MYBL1: variants seen among roughly 807,000 people sequenced by gnomAD.
The protein encoded by MYBL1 is myb-related protein A.
A neutral mutation model predicts 96.3 loss-of-function variants in MYBL1; 17 were observed. That is an observed-to-expected ratio of 0.18 (90% confidence interval 0.12 to 0.26). The LOEUF (loss-of-function observed/expected upper bound fraction) is 0.26. Ranked by LOEUF, MYBL1 falls within the 10% of genes least tolerant of loss-of-function variation. The pLI, the probability that MYBL1 is intolerant of heterozygous loss-of-function variation, is 1.00. For synonymous variants in MYBL1, 282 were observed against 292.7 expected, an observed-to-expected ratio of 0.96 and a Z score of 0.37; for missense variants, 701 against 882.9, an observed-to-expected ratio of 0.79 and a Z score of 2.61.
chr8:66,593,257 C>CA, intron 6 of MYBL1, 63 bp from the exon 7 acceptor site: 1 of 1,105,104 alleles, frequency 9.0e-7, no homozygotes, highest in South Asian at 1.6e-5. Flanking sequence ...AAATCTGAAG[C>CA]AAATGACAAA....
At chr8:66,571,608 G>A (rs879771418) in intron 12 of MYBL1, among the ~76,000 whole-genome samples, 4 of 152,124 alleles carry the variant, frequency 2.6e-5, no homozygotes, top group African/African-American at 4.8e-5. Flanking sequence ...CCGACAGGGC[G>A]CAGTGGCTCA....
chr8:66,611,253 C>T (rs1810516115), intron 1 of MYBL1, among the ~76,000 whole-genome samples: 1 of 152,164 alleles, frequency 6.6e-6, no homozygotes, highest in Non-Finnish European at 1.5e-5. Context: ...GATAATATCA[C>T]ACATTAATAA....
chr8:66,593,758 A>G lies in MYBL1; in HGVS notation c.688-564T>C, dbSNP rs1002357764. ...AGTATCATTCTGCTTCTTTTCTAAAACATCTGTAATAAGAATTTTCAAGAT... is the reference window on the plus strand; with the variant it reads ...AGTATCATTCTGCTTCTTTTCTAAAGCATCTGTAATAAGAATTTTCAAGAT... On this transcript the variant is annotated intron_variant, in intron 6 of 15. Coordinates refer to ENST00000522677, the MANE Select transcript of MYBL1 (RefSeq NM_001080416.4). 3.3e-5 allele frequency among the ~76,000 whole-genome samples: 5 copies of G among 152,204 alleles called. No individual in the cohort carries two copies. The East Asian group carries it at 9.6e-4, about 29-fold the overall frequency.
Position 66,592,564 on chromosome 8 carries a change from A to C in MYBL1, c.763-20T>G. ...GGGTTGCTAAAATAAGTTAAATAAA[A>C]GAGAAAACAGGATGCTTATATAATT... On this transcript the variant is annotated intron_variant, in intron 7 of 15. Coordinates refer to ENST00000522677, the MANE Select transcript of MYBL1 (RefSeq NM_001080416.4). 6 of 1,400,202 alleles carry C rather than the reference A, an allele frequency of 4.3e-6. No individual in the cohort carries two copies. Among genetic ancestry groups the C allele is most frequent in the Non-Finnish European group, 5.9e-6 (6 of 1,016,240 alleles). The allele number at this position is 1,400,202 out of a possible 1,614,324, so 86.7% of individuals were successfully genotyped here.
At chr8:66,597,683 A>G in intron 4 of MYBL1, 133 bp from the exon 5 acceptor site, 1 of 616,760 alleles carries the variant, frequency 1.6e-6, no homozygotes, top group Non-Finnish European at 2.7e-6. Context: ...AAAATTACCA[A>G]TAAATACCCC....
intron 1 of MYBL1, among the ~76,000 whole-genome samples, chr8:66,604,636 T>A (rs1008394253): frequency 6.6e-6 from 1 of 152,162 alleles, no homozygotes; most frequent in African/African-American, 2.4e-5. Flanking sequence ...CTACTTTTCA[T>A]ATCCTTGAGT....
rs879302233 is a variant in MYBL1, at chr8:66,575,058, G to GA, written c.1470+948dup. On this transcript the variant is annotated intron_variant, in intron 10 of 15. Transcript: ENST00000522677. ...AACAAGAGCAAAACTCCATCTCAAA[G>GA]AAAAAAAAAAAAGCGTTTGGCAAAC... Among the ~76,000 whole-genome samples, 839 of 134,370 alleles carry GA rather than the reference G, an allele frequency of 6.2e-3. 10 individuals are homozygous for GA. Among genetic ancestry groups the GA allele is most frequent in the Non-Finnish European group, 5.6e-3 (347 of 61,438 alleles). 88.2% of individuals were successfully genotyped at this position (134,370 alleles called of 152,430 possible).
intron 6 of MYBL1, among the ~76,000 whole-genome samples, chr8:66,593,479 A>G (rs1809732580): frequency 6.6e-6 from 1 of 152,216 alleles, no homozygotes; most frequent in Non-Finnish European, 1.5e-5. Context: ...ATTAAATCTG[A>G]CATTCACCAA....
intron 8 of MYBL1, among the ~76,000 whole-genome samples, chr8:66,587,808 T>A (rs766711019): frequency 2.0e-5 from 3 of 152,190 alleles, no homozygotes; most frequent in Non-Finnish European, 2.9e-5. Context: ...ATGAACTGAA[T>A]TTTAAGTTTT....
chr8:66,572,503 T>C lies in MYBL1; in HGVS notation c.1707A>G (p.Lys569=). 6.3e-7 allele frequency: 1 copy of C among 1,589,442 alleles called. No individual in the cohort carries two copies. The highest frequency in any genetic ancestry group is 1.1e-5 in the South Asian group (1 of 88,060). Residue 569 remains lysine, a synonymous_variant, in exon 12 of 16, where the codon AAA becomes AAG. Coordinates refer to ENST00000522677, the MANE Select transcript of MYBL1 (RefSeq NM_001080416.4). The stretch of plus-strand genomic sequence containing the variant: ...ATACCACAATTTTAAGAGGTCCATA[T>C]TTTTTCTCCTGAGCAGCAAGCGCAT... ...FKNALAAQEK[K]YGPLKIVSQP... is the part of the protein sequence containing the mutation.
chr8:66,582,779 G>C (rs1269741418), intron 8 of MYBL1, among the ~76,000 whole-genome samples: 1 of 150,570 alleles, frequency 6.6e-6, no homozygotes, highest in Non-Finnish European at 1.5e-5. Flanking sequence ...ATGATAAAGG[G>C]ATCAATTCAG....
At position 66,563,066 on chromosome 8, in the gene MYBL1, A is replaced by G. The variant is rs73261704; in HGVS notation, c.*1631T>C. 0.1 allele frequency: 15,953 copies of G among 152,422 alleles called. 1,872 individuals carry two copies. The highest frequency in any genetic ancestry group is 0.28 in the African/African-American group (11,640 of 41,420). The allele number at this position is 152,422 out of a possible 1,614,324, so 9.4% of individuals were successfully genotyped here. Reference sequence around the variant, plus strand: ...CATACAAACAGAGCAGAAAATCTTAACCTGCTTTCATTTTGTTTTATAAGG... The same window carrying G: ...CATACAAACAGAGCAGAAAATCTTAGCCTGCTTTCATTTTGTTTTATAAGG... On this transcript the variant is annotated 3_prime_UTR_variant, in exon 16 of 16. Coordinates refer to ENST00000522677, the MANE Select transcript of MYBL1 (RefSeq NM_001080416.4).
chr8:66,567,056 T>C (rs1390797223), intron 12 of MYBL1, 64 bp from the exon 13 acceptor site: 3 of 1,042,752 alleles, frequency 2.9e-6, no homozygotes, highest in South Asian at 2.8e-5. Flanking sequence ...TCCCTATATA[T>C]AGGAAACCCA....
At chr8:66,607,577 T>G (rs1045395233) in intron 1 of MYBL1, among the ~76,000 whole-genome samples, 1 of 151,862 alleles carries the variant, frequency 6.6e-6, no homozygotes, top group Non-Finnish European at 1.5e-5. Flanking sequence ...AACCAAAACT[T>G]CCACCTTCTT....
intron 1 of MYBL1, among the ~76,000 whole-genome samples, chr8:66,604,204 A>T (rs1403027093): frequency 6.6e-6 from 1 of 152,206 alleles, no homozygotes; most frequent in East Asian, 1.9e-4. Flanking sequence ...TTTTCAATAA[A>T]TGGTGTTAAG....
At position 66,562,273 on chromosome 8, in the gene MYBL1, T is replaced by C. The variant is rs2129650524; in HGVS notation, c.*2424A>G. On this transcript the variant is annotated 3_prime_UTR_variant, in exon 16 of 16. Coordinates refer to ENST00000522677, the MANE Select transcript of MYBL1 (RefSeq NM_001080416.4). The stretch of plus-strand genomic sequence containing the variant: ...GTTTTCCATATATCACAAAACTCAA[T>C]TTAGTCAGGGTAATTGCTGTATTAA... 6.5e-6 allele frequency: 1 copy of C among 152,742 alleles called. No homozygotes were observed. Among genetic ancestry groups the C allele is most frequent in the Admixed American group, 6.5e-5 (1 of 15,300 alleles). The allele number at this position is 152,742 out of a possible 1,614,324, so 9.5% of individuals were successfully genotyped here.
intron 8 of MYBL1, 24 bp from the exon 9 acceptor site, chr8:66,580,390 A>G (rs1456919948): frequency 2.7e-6 from 4 of 1,476,108 alleles, no homozygotes; most frequent in Non-Finnish European, 3.7e-6. Flanking sequence ...AGAAATTTGA[A>G]TATTATTTGT....
In MYBL1 at chr8:66,592,440, T is replaced by G. The variant is rs750309990; in HGVS notation, c.867A>C (p.Ser289=). ...ENEVRRKRIP[S]QPGSFSSWSG... ...TACAAATAACAAGCTTATTTCTTAC[T>G]GATGGAATTCGCTTTCTTCTAACTT... is the stretch of plus-strand genomic sequence containing the variant. The change falls in exon 8 of 16, where the codon TCA becomes TCC. Residue 289 remains serine, a splice_region_variant and synonymous_variant. Coordinates refer to ENST00000522677, the MANE Select transcript of MYBL1 (RefSeq NM_001080416.4). 4 of 1,566,724 alleles carry G rather than the reference T, an allele frequency of 2.6e-6. No individual in the cohort carries two copies. In the East Asian group the frequency reaches 6.8e-5, roughly 26 times the overall value.
chr8:66,587,907 T>C (rs1331196285), intron 8 of MYBL1, among the ~76,000 whole-genome samples: 2 of 152,230 alleles, frequency 1.3e-5, no homozygotes, highest in Admixed American at 1.3e-4. Context: ...TAACTATTAC[T>C]ACTAAAAGTA....
Sources: gnomAD v4.1 joint callset for allele counts (sites outside exome capture counted in the v4.1 genomes callset) on GRCh38, gnomAD v4.1.1 for gene constraint, MANE v1.5 for transcripts, NCBI Gene and HGNC (gene_info 2026-07-23, HGNC 2026-07-21) for gene names.